Variants in NXF2B observed in about 807,000 individuals in gnomAD.
NXF2B encodes nuclear RNA export factor 2B.
intron 2 of NXF2B, among the ~76,000 whole-genome samples, chrX:102,435,730 T>C (rs1237752284): frequency 1.2e-5 from 1 of 84,542 alleles, no homozygotes; most frequent in Non-Finnish European, 2.4e-5. Flanking sequence ...AGTGGGAATA[T>C]ACCTTGAAGG....
At chrX:102,398,298 C>A in intron 2 of NXF2B, among the ~76,000 whole-genome samples, 1 of 40,830 alleles carries the variant, frequency 2.4e-5, no homozygotes, top group Middle Eastern at 9.3e-3. Context: ...GAAAAGGGAA[C>A]ACTTTTACAC....
intron 2 of NXF2B, among the ~76,000 whole-genome samples, chrX:102,393,593 T>TATATAC (rs1491394012): frequency 2.3e-4 from 5 of 21,838 alleles, no homozygotes; most frequent in Admixed American, 5.1e-4. Context: ...TATATATATA[T>TATATAC]GGAAAGAAAG....
intron 1 of NXF2B, among the ~76,000 whole-genome samples, chrX:102,377,148 TTGTGTGTGTGTG>T (rs781891878): frequency 5.3e-4 from 29 of 54,401 alleles, no homozygotes; most frequent in South Asian, 1.8e-3. Context: ...GAGAGTGTAT[TTGTGTGTGTGTG>T]TGTGTGTGTG....
chrX:102,393,735 AGG>A (rs1221044818), intron 2 of NXF2B, among the ~76,000 whole-genome samples: 1 of 1,350 alleles, frequency 7.4e-4, no homozygotes, highest in Non-Finnish European at 1.0e-3. Flanking sequence ...AGTGGACAGG[AGG>A]AGAGAGAGAG....
chrX:102,397,883 A>G (rs1198789181), intron 2 of NXF2B, among the ~76,000 whole-genome samples: 52 of 114,855 alleles, frequency 4.5e-4, no homozygotes, highest in Non-Finnish European at 8.8e-4. Context: ...AAAAACAAAA[A>G]TAAGCAAGTG....
At chrX:102,397,851 C>T (rs1170929989) in intron 2 of NXF2B, among the ~76,000 whole-genome samples, 20 of 114,171 alleles carry the variant, frequency 1.8e-4, no homozygotes, top group Non-Finnish European at 3.2e-4. Flanking sequence ...CTCGTTCCTA[C>T]GAACTCAAAA....
chrX:102,397,841 C>T (rs1363687253), intron 2 of NXF2B, among the ~76,000 whole-genome samples: 1 of 114,002 alleles, frequency 8.8e-6, no homozygotes, highest in Non-Finnish European at 1.9e-5. Context: ...TTTACAAGAA[C>T]TCGTTCCTAC....
At position 102,393,593 on chromosome X, in the gene NXF2B, T is replaced by TAC. The variant is rs1491394012; in HGVS notation, c.-53-13505_-53-13504insGT. On this transcript the variant is annotated intron_variant, in intron 2 of 22. Coordinates refer to the NXF2B transcript ENST00000602195. ...ATATATATATATATATATATATATA[T>TAC]GGAAAGAAAGAGAGAAAGAAAAGTA... is the stretch of plus-strand genomic sequence containing the variant. Among the ~76,000 whole-genome samples, 104 of 21,805 alleles carry TAC rather than the reference T, an allele frequency of 4.8e-3. 1 individual carries two copies. Among genetic ancestry groups the TAC allele is most frequent in the Non-Finnish European group, 5.3e-3 (68 of 12,927 alleles). 18.9% of individuals were successfully genotyped at this position (21,805 alleles called of 115,157 possible).
At chrX:102,426,484 T>TTGACTGACTGAC (rs1356351349) in intron 2 of NXF2B, among the ~76,000 whole-genome samples, 1 of 55,303 alleles carries the variant, frequency 1.8e-5, no homozygotes, top group Non-Finnish European at 3.5e-5. Context: ...ACATGGTTGA[T>TTGACTGACTGAC]TGACTGACTG....
chrX:102,397,753 C>A (rs1934331383), intron 2 of NXF2B, among the ~76,000 whole-genome samples: 1 of 90,210 alleles, frequency 1.1e-5, no homozygotes, highest in Admixed American at 1.2e-4. Flanking sequence ...AGGCAACCTA[C>A]AGAATGGGAG....
At chrX:102,420,417 G>A (rs1355909976) in intron 2 of NXF2B, among the ~76,000 whole-genome samples, 3 of 104,329 alleles carry the variant, frequency 2.9e-5, no homozygotes, top group Admixed American at 9.8e-5. Context: ...TGTATGTGTC[G>A]AGGAATTTAT....
At chrX:102,432,728 G>A (rs782067153) in intron 2 of NXF2B, among the ~76,000 whole-genome samples, 1 of 61,880 alleles carries the variant, frequency 1.6e-5, no homozygotes, top group South Asian at 4.9e-4. Flanking sequence ...TAAAATGGTA[G>A]TTCTACATTT....
chrX:102,438,490 C>T (rs1204796484), intron 2 of NXF2B, 63 bp downstream of exon 2: 2 of 61,012 alleles, frequency 3.3e-5, no homozygotes, highest in East Asian at 5.9e-4. Flanking sequence ...AAATGCACAA[C>T]TTCAATCTAA....
intron 1 of NXF2B, 79 bp downstream of exon 1, chrX:102,439,791 T>C: frequency 3.0e-5 from 1 of 33,625 alleles, no homozygotes; most frequent in Non-Finnish European, 5.8e-5. Flanking sequence ...CCAAACTCCG[T>C]CTCAAAAAAA....
chrX:102,420,652 G>GT (rs1301306335), intron 2 of NXF2B, among the ~76,000 whole-genome samples: 3,511 of 99,790 alleles, frequency 0.035, 329 homozygotes, highest in African/African-American at 0.1. Flanking sequence ...TTTTTGAAGG[G>GT]TTTTTTGTGT....
intron 2 of NXF2B, among the ~76,000 whole-genome samples, chrX:102,398,078 C>A (rs1934337711): frequency 1.1e-4 from 4 of 37,333 alleles, no homozygotes; most frequent in East Asian, 1.0e-3. Context: ...CAAAAGTGGG[C>A]AAAGGACATG....
At chrX:102,404,964 T>G (rs1229052304) in intron 2 of NXF2B, among the ~76,000 whole-genome samples, 2 of 30,473 alleles carry the variant, frequency 6.6e-5, no homozygotes, top group Admixed American at 4.2e-4. Flanking sequence ...CCAAGTAAAT[T>G]TGAAAGGCAG....
intron 2 of NXF2B, among the ~76,000 whole-genome samples, chrX:102,397,863 C>A (rs1461828836): frequency 8.7e-6 from 1 of 114,570 alleles, no homozygotes; most frequent in Non-Finnish European, 1.9e-5. Context: ...AACTCAAAAG[C>A]AAATGCACCA....
intron 2 of NXF2B, among the ~76,000 whole-genome samples, chrX:102,396,905 C>CA (rs1242487613): frequency 1.8e-5 from 1 of 55,139 alleles, no homozygotes; most frequent in African/African-American, 5.7e-5. Flanking sequence ...TCCTCTCCAG[C>CA]ACCTGTTATT....
Sources: allele counts gnomAD v4.1 joint callset (sites outside exome capture counted in the v4.1 genomes callset), GRCh38; gene constraint gnomAD v4.1.1; transcripts MANE v1.5; gene names NCBI Gene and HGNC (gene_info 2026-07-23, HGNC 2026-07-21).